The following HS3ST5 variants were observed in gnomAD, a reference collection of about 807,000 sequenced individuals.
HS3ST5 encodes heparan sulfate glucosamine 3-O-sulfotransferase 5.
A neutral mutation model predicts 25.4 loss-of-function variants in HS3ST5; 10 were observed. That is an observed-to-expected ratio of 0.39 (90% CI 0.24 to 0.67). The LOEUF (loss-of-function observed/expected upper bound fraction) is 0.67, where lower values mean the gene tolerates loss of function less well. HS3ST5 is among the 30% of genes least tolerant of loss of function. The probability of loss-of-function intolerance (pLI) is 0.44; values close to 1 mark genes in which losing one functional copy is unlikely to be tolerated. For synonymous variants in HS3ST5, 170 were observed against 162.4 expected, an observed-to-expected ratio of 1.05 and a Z score of -0.36; for missense variants, 324 against 420.7, an observed-to-expected ratio of 0.77 and a Z score of 2.01.
rs558462544 is a variant in HS3ST5, at chr6:114,315,319, G to A, written c.-339+26876C>T. On this transcript the variant is annotated intron_variant, in intron 1 of 4. Coordinates refer to ENST00000312719, the MANE Select transcript of HS3ST5 (RefSeq NM_153612.4). ...TGTCCATCACATTTCTTTTTATTCC[G>A]TGCAAATATAAAAAAGATATATTTT... 3.6e-4 allele frequency among the ~76,000 whole-genome samples: 55 copies of A among 151,970 alleles called. 1 individual carries two copies. Among genetic ancestry groups the A allele is most frequent in the African/African-American group, 1.2e-3 (48 of 41,446 alleles).
chr6:114,074,449 C>G (rs2114742493), intron 3 of HS3ST5, among the ~76,000 whole-genome samples: 1 of 152,272 alleles, frequency 6.6e-6, no homozygotes, highest in East Asian at 1.9e-4. Flanking sequence ...TTTGCACATT[C>G]AATAATCAGG....
In HS3ST5 at chr6:114,075,366, T is replaced by C. The variant is rs970104291; in HGVS notation, c.-32-12489A>G. On this transcript the variant is annotated intron_variant, in intron 3 of 4. Coordinates refer to ENST00000312719, the MANE Select transcript of HS3ST5 (RefSeq NM_153612.4). ...TCCACCTTGAAGAGTCCTTGCCTCCTGCCCAAGTAGCCACAAACTACTCTC... is the reference window on the plus strand; with the variant it reads ...TCCACCTTGAAGAGTCCTTGCCTCCCGCCCAAGTAGCCACAAACTACTCTC... Among the ~76,000 whole-genome samples, 20 of 152,228 alleles carry C rather than the reference T, an allele frequency of 1.3e-4. 1 individual carries two copies. The highest frequency in any genetic ancestry group is 4.8e-4 in the African/African-American group (20 of 41,466).
In HS3ST5 at chr6:114,120,099, C is replaced by T. The variant is rs530425191; in HGVS notation, c.-33+48252G>A. Among the ~76,000 whole-genome samples the T allele has an allele frequency of 1.9e-4, 29 of 152,190 alleles. 2 individuals carry two copies. In the South Asian group the frequency reaches 5.8e-3, roughly 30 times the overall value. On this transcript the variant is annotated intron_variant, in intron 3 of 4. Coordinates refer to ENST00000312719, the MANE Select transcript of HS3ST5 (RefSeq NM_153612.4). ...GGCAGAGGTTGTAGTGAGCCGAGAT[C>T]GTGCCATTGCACTCTAGCCTGGGTG...
intron 1 of HS3ST5, among the ~76,000 whole-genome samples, chr6:114,263,401 A>G (rs1773263902): frequency 6.6e-6 from 1 of 152,174 alleles, no homozygotes; most frequent in African/African-American, 2.4e-5. Flanking sequence ...CATTAAATCC[A>G]GTTAAAATAA....
chr6:114,252,907 A>C (rs1037292224), intron 1 of HS3ST5, among the ~76,000 whole-genome samples: 1 of 152,208 alleles, frequency 6.6e-6, no homozygotes, highest in Non-Finnish European at 1.5e-5. Context: ...AAGTTAAAAG[A>C]AACAGGTAGC....
chr6:114,305,463 A>C (rs1024658835), intron 1 of HS3ST5, among the ~76,000 whole-genome samples: 2 of 152,134 alleles, frequency 1.3e-5, no homozygotes, highest in African/African-American at 2.4e-5. Flanking sequence ...TCTTTCAAGT[A>C]AACATGATGT....
At chr6:114,220,377 A>G (rs558082932) in intron 2 of HS3ST5, among the ~76,000 whole-genome samples, 17 of 152,142 alleles carry the variant, frequency 1.1e-4, no homozygotes, top group African/African-American at 3.9e-4. Flanking sequence ...TTTTGAATAT[A>G]TTAACTTTCT....
intron 1 of HS3ST5, among the ~76,000 whole-genome samples, chr6:114,255,558 A>G (rs1243077520): frequency 2.0e-5 from 3 of 152,164 alleles, no homozygotes; most frequent in Non-Finnish European, 4.4e-5. Flanking sequence ...CTGCCCTAAC[A>G]GAGGTTCTCT....
chr6:114,317,752 G>A (rs2114866995), intron 1 of HS3ST5, among the ~76,000 whole-genome samples: 1 of 131,298 alleles, frequency 7.6e-6, no homozygotes, highest in East Asian at 2.5e-4. Context: ...TCCACAAATG[G>A]TCCTAAGGGC....
intron 2 of HS3ST5, among the ~76,000 whole-genome samples, chr6:114,223,377 G>C (rs1309169253): frequency 2.0e-5 from 3 of 151,710 alleles, no homozygotes; most frequent in African/African-American, 4.8e-5. Context: ...AACTAAGTTG[G>C]GTTAATGGGA....
intron 1 of HS3ST5, among the ~76,000 whole-genome samples, chr6:114,299,544 C>T (rs1432667914): frequency 2.0e-5 from 3 of 152,092 alleles, no homozygotes; most frequent in Non-Finnish European, 4.4e-5. Context: ...AACCTACCGA[C>T]ATGTGATGTC....
intron 2 of HS3ST5, among the ~76,000 whole-genome samples, chr6:114,216,732 A>G (rs1160796288): frequency 2.7e-5 from 4 of 150,490 alleles, no homozygotes; most frequent in Non-Finnish European, 5.9e-5. Flanking sequence ...CCTCCTTAAA[A>G]AAAAAAAAAA....
intron 1 of HS3ST5, among the ~76,000 whole-genome samples, chr6:114,242,326 A>C (rs952057761): frequency 6.6e-5 from 10 of 152,180 alleles, no homozygotes; most frequent in Non-Finnish European, 4.4e-5. Context: ...TGTGGCTATT[A>C]GAAATATTAA....
intron 2 of HS3ST5, among the ~76,000 whole-genome samples, chr6:114,174,203 TCTC>T: frequency 6.6e-6 from 1 of 152,088 alleles, no homozygotes; most frequent in East Asian, 2.0e-4. Flanking sequence ...CTGGCTAATT[TCTC>T]CTCTTCAGTC....
intron 3 of HS3ST5, among the ~76,000 whole-genome samples, chr6:114,065,225 T>C (rs1773382652): frequency 6.6e-6 from 1 of 152,212 alleles, no homozygotes; most frequent in African/African-American, 2.4e-5. Context: ...AGCTCACAAT[T>C]TTCTCCAACT....
At chr6:114,262,265 C>A (rs372839233) in intron 1 of HS3ST5, among the ~76,000 whole-genome samples, 5 of 152,076 alleles carry the variant, frequency 3.3e-5, no homozygotes, top group Non-Finnish European at 7.4e-5. Context: ...TATTTCATAG[C>A]GGCTGGGCGC....
In HS3ST5 at chr6:114,057,377, G is replaced by A; in HGVS notation, c.921C>T (p.Gly307=). 1 of 1,614,062 alleles carries A rather than the reference G, an allele frequency of 6.2e-7. No individual in the cohort carries two copies. The highest frequency in any genetic ancestry group is 8.5e-7 in the Non-Finnish European group (1 of 1,179,984). Residue 307 remains glycine (G), a synonymous_variant, in exon 5 of 5, where the codon GGC becomes GGT. Transcript: ENST00000312719. ...CCTCTGGATGAATGCGCCCCTTGCTGCCCGCCAGGCACTTATTAAAGATAA... is the reference window on the plus strand; with the variant it reads ...CCTCTGGATGAATGCGCCCCTTGCTACCCGCCAGGCACTTATTAAAGATAA... ...FNIIFNKCLA[G]SKGRIHPEVD... is the part of the protein sequence containing the mutation.
chr6:114,222,109 T>C (rs936720632), intron 2 of HS3ST5, among the ~76,000 whole-genome samples: 2 of 151,874 alleles, frequency 1.3e-5, no homozygotes, highest in Non-Finnish European at 3.0e-5. Context: ...AGAATGAACA[T>C]TGAAAAACAT....
At chr6:114,215,179 C>A (rs1047243883) in intron 2 of HS3ST5, among the ~76,000 whole-genome samples, 1 of 151,746 alleles carries the variant, frequency 6.6e-6, no homozygotes, top group Non-Finnish European at 1.5e-5. Context: ...CGTGGCGGGC[C>A]CCTGTAGTCT....
Sources: allele counts gnomAD v4.1 joint callset (sites outside exome capture counted in the v4.1 genomes callset), GRCh38; gene constraint gnomAD v4.1.1; transcripts MANE v1.5; gene names NCBI Gene and HGNC (gene_info 2026-07-23, HGNC 2026-07-21).